The following CNTLN variants were observed in gnomAD, a reference collection of about 807,000 sequenced individuals.
CNTLN encodes the protein centlein.
Under a neutral mutation model 180.0 loss-of-function variants are expected in CNTLN, and 212 were observed. The observed-to-expected ratio is 1.18, with a 90% CI of 1.05 to 1.32. The LOEUF is 1.32. Among genes scored for constraint, CNTLN ranks in the 40% most tolerant of loss-of-function variants. The pLI is 0.00. For missense variants in CNTLN, 2,095 were observed against 1,610.9 expected, an observed-to-expected ratio of 1.30 and a Z score of -5.14; for synonymous variants, 722 against 563.1, an observed-to-expected ratio of 1.28 and a Z score of -3.99.
At chr9:17,467,590 G>A (rs143618453) in intron 23 of CNTLN, among the ~76,000 whole-genome samples, 1 of 151,660 alleles carries the variant, frequency 6.6e-6, no homozygotes, top group Non-Finnish European at 1.5e-5. Flanking sequence ...CTCTTTTAAT[G>A]AATATTTCAA....
At chr9:17,158,424 A>G (rs1819450779) in intron 2 of CNTLN, among the ~76,000 whole-genome samples, 1 of 152,072 alleles carries the variant, frequency 6.6e-6, no homozygotes, top group Non-Finnish European at 1.5e-5. Flanking sequence ...GTTTCCTTAA[A>G]TTTTATGAAG....
intron 12 of CNTLN, among the ~76,000 whole-genome samples, chr9:17,347,318 C>G (rs1483808083): frequency 6.6e-6 from 1 of 152,114 alleles, no homozygotes; most frequent in African/African-American, 2.4e-5. Flanking sequence ...ACAGATGTTT[C>G]TCAACCTACC....
intron 5 of CNTLN, among the ~76,000 whole-genome samples, chr9:17,241,059 C>T (rs182897037): frequency 6.6e-5 from 10 of 152,186 alleles, no homozygotes; most frequent in African/African-American, 1.7e-4. Context: ...GGGGTTTCAT[C>T]GTGTTAGCCA....
intron 2 of CNTLN, among the ~76,000 whole-genome samples, chr9:17,216,787 C>A (rs976493893): frequency 2.0e-5 from 3 of 152,176 alleles, no homozygotes; most frequent in Non-Finnish European, 2.9e-5. Context: ...TACCCTGTCC[C>A]ATGTGTATTA....
chr9:17,457,665 C>T lies in CNTLN; in HGVS notation c.3256C>T (p.Pro1086Ser), dbSNP rs776650697. The T allele has an allele frequency of 4.1e-5, 62 of 1,529,104 alleles. No individual in the cohort carries two copies. The highest frequency in any genetic ancestry group is 1.7e-4 in the Middle Eastern group (1 of 5,762). The allele number at this position is 1,529,104 out of a possible 1,614,324, so 94.7% of individuals were successfully genotyped here. Reference sequence around the variant, plus strand: ...ACGGATACAAGTTACATCACTTAGTCCTTCAAGGAGCATGGATTTGGAAAT... The same window carrying T: ...ACGGATACAAGTTACATCACTTAGTTCTTCAAGGAGCATGGATTTGGAAAT... ...FPRIQVTSLS[P>S]SRSMDLEMKQ... The change falls in exon 19 of 26, where the codon CCT (proline) becomes TCT (serine). Residue 1086 changes from proline to serine, a missense_variant. Transcript: ENST00000380647.
At chr9:17,284,917 C>T (rs1057416509) in intron 6 of CNTLN, among the ~76,000 whole-genome samples, 3 of 151,966 alleles carry the variant, frequency 2.0e-5, no homozygotes, top group Admixed American at 6.6e-5. Flanking sequence ...TCCCTCTTAA[C>T]ACTGCTTTAG....
chr9:17,273,348 C>T (rs944022571), intron 5 of CNTLN, among the ~76,000 whole-genome samples: 2 of 152,084 alleles, frequency 1.3e-5, no homozygotes, highest in African/African-American at 4.8e-5. Flanking sequence ...TGTATTTGCA[C>T]TTCAAACAGA....
At chr9:17,227,803 A>G (rs972760058) in intron 3 of CNTLN, among the ~76,000 whole-genome samples, 56 of 152,062 alleles carry the variant, frequency 3.7e-4, no homozygotes, top group African/African-American at 1.3e-3. Flanking sequence ...TACTATGATG[A>G]TAAAATGTTA....
Position 17,207,696 on chromosome 9 carries a change from T to C in CNTLN, c.450-18507T>C, listed in dbSNP as rs996659038. Among the ~76,000 whole-genome samples, 14 of 152,018 alleles carry C rather than the reference T, an allele frequency of 9.2e-5. No homozygotes were observed. In the East Asian group the frequency reaches 2.7e-3, roughly 29 times the overall value. ...TACTGCTTAACCAGTCCCAATGAGA[T>C]GAACTGGGTCCCTCACTTGGAAATG... is the stretch of plus-strand genomic sequence containing the variant. On this transcript the variant is annotated intron_variant, in intron 2 of 25. Transcript: ENST00000380647.
At chr9:17,347,058 A>G (rs1056714513) in intron 12 of CNTLN, among the ~76,000 whole-genome samples, 2 of 152,042 alleles carry the variant, frequency 1.3e-5, no homozygotes, top group African/African-American at 4.8e-5. Flanking sequence ...TAAAATTTCC[A>G]TTGGGTTCTT....
intron 5 of CNTLN, among the ~76,000 whole-genome samples, chr9:17,265,324 T>C (rs1360150272): frequency 2.0e-5 from 3 of 152,196 alleles, no homozygotes; most frequent in Non-Finnish European, 4.4e-5. Context: ...TTTAGTTCTG[T>C]TTATATGCTG....
At chr9:17,175,058 G>A (rs563498237) in intron 2 of CNTLN, among the ~76,000 whole-genome samples, 2 of 152,224 alleles carry the variant, frequency 1.3e-5, no homozygotes, top group African/African-American at 4.8e-5. Context: ...TGTCAACTAT[G>A]TGGTTTGCAA....
At chr9:17,478,556 ACT>A (rs149103273) in intron 23 of CNTLN, among the ~76,000 whole-genome samples, 3,926 of 150,848 alleles carry the variant, frequency 0.026, 167 homozygotes, top group African/African-American at 0.09. Flanking sequence ...ATGGCGTCTC[ACT>A]CTGTTTCCCA....
At chr9:17,244,577 G>T (rs1481020399) in intron 5 of CNTLN, among the ~76,000 whole-genome samples, 1 of 151,884 alleles carries the variant, frequency 6.6e-6, no homozygotes, top group South Asian at 2.1e-4. Flanking sequence ...ATATATATAC[G>T]TGGAGAGTTT....
chr9:17,465,888 A>C (rs1246741133), intron 21 of CNTLN, 93 bp from the exon 22 acceptor site: 2 of 826,684 alleles, frequency 2.4e-6, no homozygotes, highest in Non-Finnish European at 3.7e-6. Flanking sequence ...ATGGAAGTAG[A>C]CTCATTCACT....
At chr9:17,380,909 G>T (rs778083656) in intron 13 of CNTLN, among the ~76,000 whole-genome samples, 3 of 152,186 alleles carry the variant, frequency 2.0e-5, no homozygotes, top group Non-Finnish European at 4.4e-5. Context: ...TCTGCTCCAT[G>T]TGTCTGATTC....
At chr9:17,291,738 A>G (rs1024086515) in intron 6 of CNTLN, among the ~76,000 whole-genome samples, 1 of 152,168 alleles carries the variant, frequency 6.6e-6, no homozygotes, top group Non-Finnish European at 1.5e-5. Flanking sequence ...CAGCACGTTG[A>G]TGAGTCTTGA....
chr9:17,382,440 A>C (rs765707409), intron 13 of CNTLN, among the ~76,000 whole-genome samples: 16 of 152,224 alleles, frequency 1.1e-4, no homozygotes, highest in Non-Finnish European at 1.8e-4. Context: ...TCTTGGGAAC[A>C]AAAGGGAAAA....
intron 25 of CNTLN, among the ~76,000 whole-genome samples, chr9:17,502,125 C>G (rs1284442618): frequency 6.6e-6 from 1 of 152,168 alleles, no homozygotes; most frequent in Admixed American, 6.5e-5. Context: ...ATTTTCGGCT[C>G]TAACGCAGAC....
Sources: allele counts gnomAD v4.1 joint callset (sites outside exome capture counted in the v4.1 genomes callset), GRCh38; gene constraint gnomAD v4.1.1; transcripts MANE v1.5; gene names NCBI Gene and HGNC (gene_info 2026-07-23, HGNC 2026-07-21).